Variants in GNA14 observed in about 807,000 individuals in gnomAD.
GNA14 encodes G protein subunit alpha 14, also known as guanine nucleotide-binding protein subunit alpha-14.
GNA14 carries 50 observed loss-of-function variants against 42.0 expected under a neutral mutation model. That is an observed-to-expected ratio of 1.19 (90% confidence interval 0.95 to 1.51). The LOEUF (loss-of-function observed/expected upper bound fraction) is 1.51, where lower values mean the gene tolerates loss of function less well. Among genes scored for constraint, GNA14 ranks in the 40% most tolerant of loss-of-function variants. The pLI is 0.00. For missense variants in GNA14, 473 were observed against 446.2 expected (o/e 1.06, Z -0.54); for synonymous variants, 173 against 163.1 (o/e 1.06, Z -0.46).
chr9:77,430,471 G>A (rs1262380855), intron 4 of GNA14, among the ~76,000 whole-genome samples: 1 of 152,198 alleles, frequency 6.6e-6, no homozygotes, highest in African/African-American at 2.4e-5. Flanking sequence ...GAAATTCATG[G>A]GCACACAGGC....
chr9:77,537,046 C>A (rs1395772343), intron 1 of GNA14, among the ~76,000 whole-genome samples: 1 of 152,074 alleles, frequency 6.6e-6, no homozygotes, highest in Non-Finnish European at 1.5e-5. Flanking sequence ...GGGTATCCAT[C>A]ACCTTGAGTA....
chr9:77,610,424 C>A (rs1423687630), intron 1 of GNA14, among the ~76,000 whole-genome samples: 3 of 152,158 alleles, frequency 2.0e-5, no homozygotes, highest in African/African-American at 7.2e-5. Context: ...CCTTCTGCCC[C>A]TACACCTTAA....
intron 1 of GNA14, among the ~76,000 whole-genome samples, chr9:77,605,688 G>C (rs1051710557): frequency 6.6e-6 from 1 of 152,146 alleles, no homozygotes; most frequent in Admixed American, 6.5e-5. Context: ...AAATATAGCC[G>C]ACAAAGACCT....
intron 2 of GNA14, among the ~76,000 whole-genome samples, chr9:77,506,882 G>C (rs1225362349): frequency 6.6e-6 from 1 of 152,034 alleles, no homozygotes; most frequent in Non-Finnish European, 1.5e-5. Flanking sequence ...CCTTTCATTT[G>C]GGTTTCTGAT....
In GNA14 at chr9:77,581,036, AC is replaced by A. The variant is rs549068008; in HGVS notation, c.125-51784del. Among the ~76,000 whole-genome samples, 399 of 143,120 alleles carry A rather than the reference AC, an allele frequency of 2.8e-3. 4 individuals carry two copies. The highest frequency in any genetic ancestry group is 9.6e-3 in the African/African-American group (369 of 38,340). 93.9% of individuals were successfully genotyped at this position (143,120 alleles called of 152,430 possible). A position where few individuals can be genotyped will look rare whatever the true frequency, so the allele number is the denominator to read the frequency against. On this transcript the variant is annotated intron_variant, in intron 1 of 6. Transcript: ENST00000341700. ...CACACACACACACACACACACACAC[AC>A]AATAGTACCCACCTTTACTCAGACT...
chr9:77,532,734 C>T (rs1037913260), intron 1 of GNA14, among the ~76,000 whole-genome samples: 25 of 152,122 alleles, frequency 1.6e-4, no homozygotes, highest in East Asian at 5.8e-4. Context: ...AGCATGCGTC[C>T]GCTCTGCCTT....
At chr9:77,558,873 G>C (rs1191221042) in intron 1 of GNA14, among the ~76,000 whole-genome samples, 2 of 151,006 alleles carry the variant, frequency 1.3e-5, no homozygotes, top group African/African-American at 2.4e-5. Flanking sequence ...CTGATTCAGA[G>C]TTGTATCTCT....
intron 2 of GNA14, among the ~76,000 whole-genome samples, chr9:77,515,594 T>G (rs941036920): frequency 6.6e-6 from 1 of 152,186 alleles, no homozygotes; most frequent in African/African-American, 2.4e-5. Context: ...GGTATTTGTT[T>G]GTTTGTTTAT....
At position 77,467,162 on chromosome 9, in the gene GNA14, G is replaced by A. The variant is rs144071675; in HGVS notation, c.310-32640C>T. The stretch of plus-strand genomic sequence containing the variant: ...CTGGGCACTCCTGAGGGGGTGCAGA[G>A]TGGGGCAGGTGCCCAGCTGTTCAGA... On this transcript the variant is annotated intron_variant, in intron 2 of 6. Transcript: ENST00000341700. Among the ~76,000 whole-genome samples the A allele has an allele frequency of 3.6e-3, 544 of 152,136 alleles. 6 individuals are homozygous for A. The highest frequency in any genetic ancestry group is 0.034 in the Middle Eastern group (10 of 294).
At chr9:77,471,146 G>A (rs1411744074) in intron 2 of GNA14, among the ~76,000 whole-genome samples, 2 of 152,154 alleles carry the variant, frequency 1.3e-5, no homozygotes, top group Non-Finnish European at 1.5e-5. Flanking sequence ...AATGTGAAGG[G>A]ACAATACTGG....
rs138374259 is a variant in GNA14, at chr9:77,601,069, G to T, written c.124+46601C>A. 4.8e-3 allele frequency among the ~76,000 whole-genome samples: 733 copies of T among 152,392 alleles called. 9 individuals are homozygous for T. Among genetic ancestry groups the T allele is most frequent in the Middle Eastern group, 0.01 (3 of 294 alleles). On this transcript the variant is annotated intron_variant, in intron 1 of 6. Transcript: ENST00000341700. ...CTACGGGAAGTTCGCGCCTTGTGCA[G>T]GGGGAGGAGCGTGGGCTCTTCAGCT...
chr9:77,477,119 G>C (rs566008446), intron 2 of GNA14, among the ~76,000 whole-genome samples: 1 of 152,290 alleles, frequency 6.6e-6, no homozygotes, highest in African/African-American at 2.4e-5. Flanking sequence ...CACTTTCGGA[G>C]GCTGAGGCAG....
intron 2 of GNA14, among the ~76,000 whole-genome samples, chr9:77,502,003 A>T (rs1403218594): frequency 6.6e-6 from 1 of 152,142 alleles, no homozygotes; most frequent in Admixed American, 6.6e-5. Context: ...CACCGTGCCC[A>T]GCCCAGATTG....
intron 2 of GNA14, chr9:77,456,532 C>G (rs1836002070): frequency 6.6e-6 from 1 of 152,160 alleles, no homozygotes; most frequent in East Asian, 1.9e-4. Context: ...AGTAAGTAAG[C>G]ATTTTCCTTG....
At chr9:77,537,609 T>C (rs1837613256) in intron 1 of GNA14, among the ~76,000 whole-genome samples, 1 of 152,248 alleles carries the variant, frequency 6.6e-6, no homozygotes, top group Non-Finnish European at 1.5e-5. Flanking sequence ...AGTAGTAGAT[T>C]GCTGGATTGT....
At chr9:77,463,874 C>T (rs1836162612) in intron 2 of GNA14, among the ~76,000 whole-genome samples, 1 of 152,094 alleles carries the variant, frequency 6.6e-6, no homozygotes, top group Non-Finnish European at 1.5e-5. Flanking sequence ...GGTAAAAGTG[C>T]ATGTATGGAT....
intron 2 of GNA14, among the ~76,000 whole-genome samples, chr9:77,461,683 T>G (rs1836109341): frequency 6.6e-6 from 1 of 152,166 alleles, no homozygotes; most frequent in South Asian, 2.1e-4. Flanking sequence ...ACTTTTATTT[T>G]AAGGTATTGG....
At chr9:77,584,048 A>G (rs1425282264) in intron 1 of GNA14, among the ~76,000 whole-genome samples, 1 of 152,218 alleles carries the variant, frequency 6.6e-6, no homozygotes, top group African/African-American at 2.4e-5. Context: ...CTCCCAACAG[A>G]GAATGTGTGA....
At position 77,605,345 on chromosome 9, in the gene GNA14, T is replaced by C. The variant is rs1383606964; in HGVS notation, c.124+42325A>G. ...TTGGAATAAGATTTCTATACAGAGA[T>C]GACATCCCAGCCACCCCGGTGATGG... On this transcript the variant is annotated intron_variant, in intron 1 of 6. Coordinates refer to ENST00000341700, the MANE Select transcript of GNA14 (RefSeq NM_004297.4). 2.0e-5 allele frequency among the ~76,000 whole-genome samples: 3 copies of C among 152,334 alleles called. No individual in the cohort carries two copies. In the East Asian group the frequency reaches 5.8e-4, roughly 29 times the overall value.
Sources: gnomAD v4.1 joint callset for allele counts (sites outside exome capture counted in the v4.1 genomes callset) on GRCh38, gnomAD v4.1.1 for gene constraint, MANE v1.5 for transcripts, NCBI Gene and HGNC (gene_info 2026-07-23, HGNC 2026-07-21) for gene names.